DPP10: variants seen among roughly 807,000 people sequenced by gnomAD.
The protein encoded by DPP10 is inactive dipeptidyl peptidase 10.
DPP10 carries 33 observed loss-of-function variants against 120.9 expected under a neutral mutation model. The observed-to-expected ratio is 0.27, with a 90% CI of 0.21 to 0.37. DPP10 has a LOEUF of 0.37. DPP10 is among the 10% of genes least tolerant of loss of function. The pLI is 1.00. For synonymous variants in DPP10, 337 were observed against 326.1 expected (o/e 1.03, Z -0.36); for missense variants, 816 against 942.8 (o/e 0.87, Z 1.76).
chr2:115,262,193 T>G (rs962457120), intron 1 of DPP10, among the ~76,000 whole-genome samples: 4 of 152,172 alleles, frequency 2.6e-5, no homozygotes, highest in African/African-American at 4.8e-5. Flanking sequence ...CGTATTCATT[T>G]GCAAGAACAC....
At chr2:115,131,528 G>A (rs1360356035) in intron 1 of DPP10, among the ~76,000 whole-genome samples, 1 of 151,976 alleles carries the variant, frequency 6.6e-6, no homozygotes, top group African/African-American at 2.4e-5. Flanking sequence ...GTAACAAGAA[G>A]AAGAAGGGTA....
At chr2:115,621,155 T>C (rs2084915867) in intron 5 of DPP10, among the ~76,000 whole-genome samples, 2 of 152,214 alleles carry the variant, frequency 1.3e-5, no homozygotes, top group Non-Finnish European at 2.9e-5. Context: ...ATTGTAGTTC[T>C]TGAGCATCTC....
intron 1 of DPP10, among the ~76,000 whole-genome samples, chr2:115,086,181 A>G (rs536094846): frequency 6.6e-6 from 1 of 152,302 alleles, no homozygotes; most frequent in South Asian, 2.1e-4. Context: ...AGATTAACTA[A>G]AAGTCTAGCA....
chr2:114,506,646 G>T (rs190666129), intron 1 of DPP10, among the ~76,000 whole-genome samples: 1 of 152,160 alleles, frequency 6.6e-6, no homozygotes, highest in East Asian at 1.9e-4. Context: ...TTTTGCTCCT[G>T]CCGGCACCCA....
At chr2:114,455,845 G>C (rs1678555392) in intron 1 of DPP10, among the ~76,000 whole-genome samples, 1 of 151,470 alleles carries the variant, frequency 6.6e-6, no homozygotes, top group African/African-American at 2.4e-5. Context: ...TTCCAGATAG[G>C]CATTATTCTC....
At chr2:114,740,392 G>A (rs1355132837) in intron 1 of DPP10, among the ~76,000 whole-genome samples, 8 of 144,058 alleles carry the variant, frequency 5.6e-5, no homozygotes, top group African/African-American at 1.8e-4. Flanking sequence ...AGCATTAGGA[G>A]ATATACCTAA....
At chr2:115,389,164 T>C (rs1044374132) in intron 3 of DPP10, among the ~76,000 whole-genome samples, 1 of 152,116 alleles carries the variant, frequency 6.6e-6, no homozygotes, top group East Asian at 1.9e-4. Flanking sequence ...CCTATAAGCT[T>C]AATGACATCA....
intron 1 of DPP10, among the ~76,000 whole-genome samples, chr2:114,492,705 C>A (rs1682113682): frequency 6.6e-6 from 1 of 152,112 alleles, no homozygotes; most frequent in South Asian, 2.1e-4. Flanking sequence ...TTCATTATAT[C>A]AAATTGGATA....
intron 1 of DPP10, among the ~76,000 whole-genome samples, chr2:115,284,388 C>T (rs529509814): frequency 6.6e-6 from 1 of 151,856 alleles, no homozygotes; most frequent in African/African-American, 2.4e-5. Context: ...TTTCAAAAGC[C>T]CTAGTAATTT....
Position 115,800,935 on chromosome 2 carries a change from T to G in DPP10, c.1700+9579T>G, listed in dbSNP as rs534019223. On this transcript the variant is annotated intron_variant, in intron 19 of 25. Transcript: ENST00000410059. ...CAATGCGGGCTCTTTTTTGGTTCCATATGAACTTTAAAGTAGTTTTTTCCA... is the reference window on the plus strand; with the variant it reads ...CAATGCGGGCTCTTTTTTGGTTCCAGATGAACTTTAAAGTAGTTTTTTCCA... Among the ~76,000 whole-genome samples, 100 of 152,172 alleles carry G rather than the reference T, an allele frequency of 6.6e-4. 2 individuals are homozygous for G. The highest frequency in any genetic ancestry group is 2.3e-3 in the African/African-American group (94 of 41,490).
intron 10 of DPP10, among the ~76,000 whole-genome samples, chr2:115,746,501 T>C (rs566288146): frequency 1.6e-4 from 25 of 152,302 alleles, no homozygotes; most frequent in African/African-American, 4.6e-4. Context: ...AAATAGTTGC[T>C]CCACATTTTT....
chr2:115,029,350 G>T (rs1703685956), intron 1 of DPP10, among the ~76,000 whole-genome samples: 1 of 151,860 alleles, frequency 6.6e-6, no homozygotes. Context: ...GTTACAAGTG[G>T]ATTGCTCATC....
intron 1 of DPP10, among the ~76,000 whole-genome samples, chr2:115,020,643 A>G (rs1233088956): frequency 1.3e-5 from 2 of 152,096 alleles, no homozygotes; most frequent in African/African-American, 4.8e-5. Context: ...GACTTAAACT[A>G]TAGCCTACAA....
At chr2:114,868,288 A>G (rs1489136224) in intron 1 of DPP10, among the ~76,000 whole-genome samples, 1 of 152,170 alleles carries the variant, frequency 6.6e-6, no homozygotes, top group Non-Finnish European at 1.5e-5. Context: ...CCCATGTTCT[A>G]GTACTAACCA....
At chr2:115,329,002 A>G (rs2062539510) in intron 2 of DPP10, among the ~76,000 whole-genome samples, 1 of 152,114 alleles carries the variant, frequency 6.6e-6, no homozygotes, top group South Asian at 2.1e-4. Context: ...TTATTACAGT[A>G]TGCTGGGCAC....
chr2:115,757,808 A>G (rs1679615098), intron 11 of DPP10, among the ~76,000 whole-genome samples: 1 of 152,148 alleles, frequency 6.6e-6, no homozygotes, highest in South Asian at 2.1e-4. Context: ...GAAGAATTAA[A>G]TATCTTGGTA....
At chr2:114,479,976 G>T (rs1387516947) in intron 1 of DPP10, among the ~76,000 whole-genome samples, 2 of 151,946 alleles carry the variant, frequency 1.3e-5, no homozygotes, top group African/African-American at 4.8e-5. Flanking sequence ...CTGACAAAGG[G>T]CTAATATCCA....
chr2:115,543,375 G>A (rs2079293241), intron 5 of DPP10, among the ~76,000 whole-genome samples: 1 of 152,050 alleles, frequency 6.6e-6, no homozygotes, highest in African/African-American at 2.4e-5. Context: ...GGACATCAAA[G>A]TTGACGATGT....
intron 1 of DPP10, among the ~76,000 whole-genome samples, chr2:115,029,032 A>G (rs1040175348): frequency 1.3e-5 from 2 of 152,082 alleles, no homozygotes; most frequent in Non-Finnish European, 2.9e-5. Context: ...TTTTTATTAG[A>G]GAATTATCTC....
Sources: gnomAD v4.1 joint callset for allele counts (sites outside exome capture counted in the v4.1 genomes callset) on GRCh38, gnomAD v4.1.1 for gene constraint, MANE v1.5 for transcripts, NCBI Gene and HGNC (gene_info 2026-07-23, HGNC 2026-07-21) for gene names.